Variants in GREB1L observed in about 807,000 individuals in gnomAD.
The protein encoded by GREB1L is GREB1-like protein.
In GREB1L, 17 loss-of-function variants were observed where a neutral mutation model predicts 200.8. That is an observed-to-expected ratio of 0.08 (90% CI 0.06 to 0.13). The LOEUF is 0.13. Among genes scored for constraint, GREB1L ranks in the 10% least tolerant of loss-of-function variants. The probability of loss-of-function intolerance (pLI) is 1.00; values close to 1 mark genes in which losing one functional copy is unlikely to be tolerated. For synonymous variants in GREB1L, 789 were observed against 893.0 expected (o/e 0.88, Z 2.08); for missense variants, 1,657 against 2,367.7 (o/e 0.70, Z 6.23).
At chr18:21,409,647 C>G (rs2030720793) in intron 7 of GREB1L, among the ~76,000 whole-genome samples, 2 of 152,248 alleles carry the variant, frequency 1.3e-5, no homozygotes, top group South Asian at 2.1e-4. Flanking sequence ...TGAATATCTA[C>G]AGTGGGGTGA....
At chr18:21,401,475 T>G in intron 6 of GREB1L, 149 bp downstream of exon 6, 1 of 625,290 alleles carries the variant, frequency 1.6e-6, no homozygotes, top group Non-Finnish European at 2.7e-6. Context: ...TCTGGTAGGT[T>G]ATTTGACTTG....
At chr18:21,414,248 T>C (rs1203548815) in intron 7 of GREB1L, among the ~76,000 whole-genome samples, 11 of 152,138 alleles carry the variant, frequency 7.2e-5, no homozygotes, top group Non-Finnish European at 8.8e-5. Flanking sequence ...AGGAAATAAT[T>C]CTGTTAAGCA....
intron 1 of GREB1L, among the ~76,000 whole-genome samples, chr18:21,334,003 C>T (rs902818606): frequency 9.2e-5 from 14 of 151,506 alleles, no homozygotes; most frequent in Non-Finnish European, 1.8e-4. Flanking sequence ...AAAAAAATTA[C>T]ATTTCTAGTG....
chr18:21,525,536 G>GAT lies in GREB1L; in HGVS notation c.*2716_*2717dup, dbSNP rs2037670949. 1 of 152,112 alleles carries GAT rather than the reference G, an allele frequency of 6.6e-6. No individual in the cohort carries two copies. Among genetic ancestry groups the GAT allele is most frequent in the African/African-American group, 2.4e-5 (1 of 41,392 alleles). The allele number at this position is 152,112 out of a possible 1,614,324, so 9.4% of individuals were successfully genotyped here. A position where few individuals can be genotyped will look rare whatever the true frequency, so the allele number is the denominator to read the frequency against. ...GTCACATTATAGGTTGGACAACCAA[G>GAT]ATTAAAGAGGTGTTGAAAACATACA... is the stretch of plus-strand genomic sequence containing the variant. On this transcript the variant is annotated 3_prime_UTR_variant, in exon 33 of 33. Transcript: ENST00000424526.
chr18:21,257,804 A>T (rs549106508), intron 1 of GREB1L, among the ~76,000 whole-genome samples: 1 of 152,242 alleles, frequency 6.6e-6, no homozygotes, highest in African/African-American at 2.4e-5. Context: ...TAATAGCAGA[A>T]ATTAATAATT....
intron 27 of GREB1L, among the ~76,000 whole-genome samples, chr18:21,510,467 T>C (rs1227789753): frequency 6.6e-6 from 1 of 152,202 alleles, no homozygotes; most frequent in African/African-American, 2.4e-5. Flanking sequence ...GACTGGCTTA[T>C]CTCACTTAGC....
intron 1 of GREB1L, among the ~76,000 whole-genome samples, chr18:21,336,933 C>T (rs1168003538): frequency 1.3e-5 from 2 of 152,182 alleles, no homozygotes; most frequent in East Asian, 1.9e-4. Context: ...TTATCCTTCT[C>T]TAGTGAAATA....
intron 15 of GREB1L, among the ~76,000 whole-genome samples, chr18:21,458,152 G>T (rs1006811303): frequency 6.6e-6 from 1 of 152,058 alleles, no homozygotes; most frequent in Middle Eastern, 3.4e-3. Context: ...TGTATTTTTA[G>T]TAGAGACAGG....
At chr18:21,408,383 T>G (rs2030536598) in intron 7 of GREB1L, among the ~76,000 whole-genome samples, 1 of 152,152 alleles carries the variant, frequency 6.6e-6, no homozygotes. Flanking sequence ...AAGATGACAG[T>G]CCAACTGAAA....
intron 1 of GREB1L, among the ~76,000 whole-genome samples, chr18:21,258,170 T>G (rs1324483322): frequency 2.0e-5 from 3 of 152,218 alleles, no homozygotes; most frequent in African/African-American, 7.2e-5. Context: ...TTGCTGTTCT[T>G]GCTGAAGGTG....
chr18:21,323,126 A>C (rs1422113189), intron 1 of GREB1L, among the ~76,000 whole-genome samples: 1 of 152,042 alleles, frequency 6.6e-6, no homozygotes. Flanking sequence ...CTCTACTAGA[A>C]ATATTTTTTA....
At chr18:21,504,860 G>A (rs1374610169) in intron 23 of GREB1L, among the ~76,000 whole-genome samples, 3 of 152,110 alleles carry the variant, frequency 2.0e-5, no homozygotes, top group African/African-American at 7.2e-5. Context: ...TTCACACCCA[G>A]GTCTACTGGC....
At chr18:21,319,404 T>C (rs747548689) in intron 1 of GREB1L, among the ~76,000 whole-genome samples, 1 of 152,244 alleles carries the variant, frequency 6.6e-6, no homozygotes, top group Non-Finnish European at 1.5e-5. Context: ...CCTATCTACA[T>C]TTCAAGTATG....
intron 8 of GREB1L, among the ~76,000 whole-genome samples, chr18:21,440,062 T>C (rs1289651896): frequency 6.6e-6 from 1 of 152,200 alleles, no homozygotes; most frequent in Non-Finnish European, 1.5e-5. Flanking sequence ...TAAAACAACA[T>C]ACAGATGTTA....
At chr18:21,458,437 C>T (rs1455011910) in intron 15 of GREB1L, among the ~76,000 whole-genome samples, 1 of 152,140 alleles carries the variant, frequency 6.6e-6, no homozygotes, top group African/African-American at 2.4e-5. Flanking sequence ...GTTCCATTTG[C>T]CTCCTTTACT....
chr18:21,268,518 T>TAC (rs1158925252), intron 1 of GREB1L, among the ~76,000 whole-genome samples: 23 of 77,292 alleles, frequency 3.0e-4, no homozygotes, highest in East Asian at 1.2e-3. Context: ...TATGTATATA[T>TAC]ATATACACAC....
At chr18:21,415,247 G>A (rs1288519713) in intron 7 of GREB1L, among the ~76,000 whole-genome samples, 1 of 152,220 alleles carries the variant, frequency 6.6e-6, no homozygotes, top group African/African-American at 2.4e-5. Flanking sequence ...CAAGCGTGGT[G>A]GCTCACATCT....
intron 4 of GREB1L, among the ~76,000 whole-genome samples, chr18:21,392,912 C>T (rs550920179): frequency 9.2e-5 from 14 of 151,956 alleles, no homozygotes; most frequent in African/African-American, 1.2e-4. Context: ...GCTGGGACTA[C>T]AAGCACTCAC....
Position 21,493,113 on chromosome 18 carries a change from A to G in GREB1L, c.3031-2557A>G, listed in dbSNP as rs149661295. Among the ~76,000 whole-genome samples, 18 of 152,298 alleles carry G rather than the reference A, an allele frequency of 1.2e-4. No individual in the cohort carries two copies. The East Asian group carries it at 3.3e-3, about 28-fold the overall frequency. On this transcript the variant is annotated intron_variant, in intron 19 of 32. Transcript: ENST00000424526. ...TTGTCAAGTAGATTGCGGCTCACTC[A>G]TTTATTTCTAAGTTATCAACCTCCT...
Sources: gnomAD v4.1 joint callset for allele counts (sites outside exome capture counted in the v4.1 genomes callset) on GRCh38, gnomAD v4.1.1 for gene constraint, MANE v1.5 for transcripts, NCBI Gene and HGNC (gene_info 2026-07-23, HGNC 2026-07-21) for gene names.